The following TRPM1 variants were observed in gnomAD, a reference collection of about 807,000 sequenced individuals.
TRPM1 encodes transient receptor potential cation channel subfamily M member 1, also known as TRPM1-203 APA Isoform, Intron 10.
TRPM1 carries 113 observed loss-of-function variants against 149.4 expected under a neutral mutation model. The ratio of observed to expected loss-of-function variants is 0.76; its 90% CI spans 0.65 to 0.88. The LOEUF (loss-of-function observed/expected upper bound fraction) is 0.88. TRPM1 is among the 40% of genes least tolerant of loss of function. The pLI is 0.00. For missense variants in TRPM1, 1,976 were observed against 2,038.7 expected, an observed-to-expected ratio of 0.97 and a Z score of 0.59; for synonymous variants, 741 against 759.5, an observed-to-expected ratio of 0.98 and a Z score of 0.40.
chr15:31,147,002 T>A (rs772564220), intron 1 of TRPM1, among the ~76,000 whole-genome samples: 3 of 149,546 alleles, frequency 2.0e-5, no homozygotes, highest in Middle Eastern at 6.8e-3. Context: ...AAAAAAAAAA[T>A]GACCAATTCA....
At chr15:31,029,416 T>TTTTTG (rs561933337) in intron 23 of TRPM1, 25 bp from the exon 24 acceptor site, 57 of 1,613,430 alleles carry the variant, frequency 3.5e-5, no homozygotes, top group Non-Finnish European at 4.7e-5. Flanking sequence ...GAAAGCAGGA[T>TTTTTG]TTTTGTTTTG....
In TRPM1 at chr15:31,056,232, A is replaced by T. The variant is rs887990214; in HGVS notation, c.1263+4312T>A. ...AGAAAATCCAGATGAAGGGAAAGAG[A>T]TAATAAAGAAAGAAATACTCAAAGA... On this transcript the variant is annotated intron_variant, in intron 11 of 27. Coordinates refer to ENST00000256552, the MANE Select transcript of TRPM1 (RefSeq NM_001252024.2). 2.6e-5 allele frequency among the ~76,000 whole-genome samples: 4 copies of T among 152,208 alleles called. No individual in the cohort carries two copies. The East Asian group carries it at 7.7e-4, about 29-fold the overall frequency.
chr15:31,015,664 G>C (rs1471744752), intron 27 of TRPM1, among the ~76,000 whole-genome samples: 1 of 152,052 alleles, frequency 6.6e-6, no homozygotes. Context: ...AAACCAAAGA[G>C]TGTATTAAAG....
intron 21 of TRPM1, among the ~76,000 whole-genome samples, chr15:31,033,303 C>T (rs1041644918): frequency 1.3e-5 from 2 of 152,172 alleles, no homozygotes; most frequent in African/African-American, 4.8e-5. Context: ...ATGAGCCCCA[C>T]GTGGCCCCAC....
chr15:31,021,514 A>G (rs1309493444), intron 27 of TRPM1, among the ~76,000 whole-genome samples: 1 of 152,104 alleles, frequency 6.6e-6, no homozygotes, highest in Non-Finnish European at 1.5e-5. Context: ...TGGGCAACAT[A>G]GTGAGATCCT....
intron 2 of TRPM1, among the ~76,000 whole-genome samples, chr15:31,079,202 TTAAC>T (rs1285561293): frequency 6.6e-6 from 1 of 152,242 alleles, no homozygotes; most frequent in Admixed American, 6.5e-5. Flanking sequence ...ATTGCATTAA[TTAAC>T]TATGGAGTAA....
chr15:31,104,055 G>A (rs1200055537), upstream of TRPM1, among the ~76,000 whole-genome samples: 1 of 139,746 alleles, frequency 7.2e-6, no homozygotes, highest in African/African-American at 2.8e-5. Flanking sequence ...GAGAGACGCT[G>A]TAAGGTCTGA....
At chr15:31,050,296 C>G (rs2033910083) in intron 12 of TRPM1, 113 bp downstream of exon 12, 2 of 1,495,654 alleles carry the variant, frequency 1.3e-6, no homozygotes, top group African/African-American at 2.8e-5. Context: ...CAAGCCTTTA[C>G]CCGTCCCTCC....
At chr15:31,118,858 A>T (rs913165621) in intron 1 of TRPM1, among the ~76,000 whole-genome samples, 1 of 151,634 alleles carries the variant, frequency 6.6e-6, no homozygotes, top group Non-Finnish European at 1.5e-5. Context: ...CTCACCTATA[A>T]TTACCATCAC....
intron 1 of TRPM1, among the ~76,000 whole-genome samples, chr15:31,111,040 G>A (rs1198358198): frequency 1.3e-5 from 2 of 151,192 alleles, no homozygotes; most frequent in Non-Finnish European, 2.9e-5. Context: ...TTGTTTCTTT[G>A]TTTTAATCTT....
chr15:31,087,199 A>G (rs1295192698), intron 1 of TRPM1, among the ~76,000 whole-genome samples: 3 of 138,842 alleles, frequency 2.2e-5, no homozygotes, highest in East Asian at 4.4e-4. Flanking sequence ...GGATTATCCT[A>G]TGATCCAGCA....
intron 1 of TRPM1, among the ~76,000 whole-genome samples, chr15:31,151,876 C>T (rs536381031): frequency 1.7e-3 from 253 of 152,346 alleles, no homozygotes; most frequent in Middle Eastern, 3.4e-3. Context: ...AGGCCTTTGC[C>T]CCTCAGTGTG....
At chr15:31,134,522 C>G (rs1384372784) in intron 1 of TRPM1, among the ~76,000 whole-genome samples, 2 of 152,182 alleles carry the variant, frequency 1.3e-5, no homozygotes, top group African/African-American at 2.4e-5. Context: ...ACTAAATCAC[C>G]AGAGACTCAG....
chr15:31,119,394 A>T (rs568419770), intron 1 of TRPM1, among the ~76,000 whole-genome samples: 2 of 152,284 alleles, frequency 1.3e-5, no homozygotes, highest in East Asian at 3.9e-4. Context: ...AACAACCTAG[A>T]TTCTGTATCC....
intron 12 of TRPM1, 137 bp downstream of exon 12, chr15:31,050,272 T>C: frequency 7.9e-7 from 1 of 1,261,576 alleles, no homozygotes; most frequent in Non-Finnish European, 1.2e-6. Context: ...TTTGAAATGC[T>C]GACACTACCC....
chr15:31,070,867 A>C (rs759002625), intron 3 of TRPM1, among the ~76,000 whole-genome samples: 1 of 152,172 alleles, frequency 6.6e-6, no homozygotes, highest in Non-Finnish European at 1.5e-5. Context: ...CATATTGTTG[A>C]ATTGTTCTGT....
At position 31,088,807 on chromosome 15, in the gene TRPM1, G is replaced by GT. The variant is rs896722118; in HGVS notation, c.-83-7370_-83-7369insA. Among the ~76,000 whole-genome samples, 7 of 152,002 alleles carry GT rather than the reference G, an allele frequency of 4.6e-5. No homozygotes were observed. In the East Asian group the frequency reaches 1.2e-3, roughly 25 times the overall value. On this transcript the variant is annotated intron_variant, in intron 1 of 27. Transcript: ENST00000256552. ...CACCTGAACGTTCTTTCTGCTGGGG[G>GT]GATGCGTCAGAGGAGGCCTTTGTAC...
intron 17 of TRPM1, among the ~76,000 whole-genome samples, chr15:31,041,117 C>G (rs2911849): frequency 0.53 from 80,582 of 151,640 alleles, 22,739 homozygotes; most frequent in East Asian, 0.94. Flanking sequence ...GATCCAGATT[C>G]AAATATTTGG....
Position 31,001,898 on chromosome 15 carries a change from A to AT in TRPM1, c.4801_4802insA (p.Leu1601TyrfsTer15), listed in dbSNP as rs1269152970. On this transcript the variant is annotated frameshift_variant, in exon 28 of 28. Transcript: ENST00000256552. LOFTEE classifies it low-confidence loss of function (END_TRUNC). ...TGCTGTCATTCCAGACACAATTACT[A>AT]AGCTGCTTACACTACTGGCATGTCC... The AT allele has an allele frequency of 2.5e-6, 4 of 1,614,058 alleles. No individual in the cohort carries two copies. Among genetic ancestry groups the AT allele is most frequent in the Non-Finnish European group, 3.4e-6 (4 of 1,180,020 alleles).
Sources: gnomAD v4.1 joint callset for allele counts (sites outside exome capture counted in the v4.1 genomes callset) on GRCh38, gnomAD v4.1.1 for gene constraint, MANE v1.5 for transcripts, NCBI Gene and HGNC (gene_info 2026-07-23, HGNC 2026-07-21) for gene names.